The following EPS15 variants were observed in gnomAD, a reference collection of about 807,000 sequenced individuals.
EPS15 encodes epidermal growth factor receptor pathway substrate 15.
In EPS15, 72 loss-of-function variants were observed where a neutral mutation model predicts 113.8. That is an observed-to-expected ratio of 0.63 (90% CI 0.52 to 0.77). EPS15 has a LOEUF of 0.77. Ranked by LOEUF, EPS15 falls within the 30% of genes least tolerant of loss-of-function variation. The probability of loss-of-function intolerance (pLI) is 0.00; values close to 1 mark genes in which losing one functional copy is unlikely to be tolerated. For synonymous variants in EPS15, 344 were observed against 363.4 expected, an observed-to-expected ratio of 0.95 and a Z score of 0.61; for missense variants, 1,048 against 1,045.8, an observed-to-expected ratio of 1.00 and a Z score of -0.03.
Position 51,471,734 on chromosome 1 carries a change from A to C in EPS15, c.169T>G (p.Trp57Gly). The C allele has an allele frequency of 1.2e-6, 2 of 1,607,424 alleles. No individual in the cohort carries two copies. The highest frequency in any genetic ancestry group is 1.1e-5 in the South Asian group (1 of 90,506). Residue 57 changes from tryptophan (W) to glycine (G), a missense_variant, in exon 4 of 25, where the codon TGG (tryptophan) becomes GGG (glycine). Physicochemically the swap from Trp to Gly is radical, Grantham distance 184. Transcript: ENST00000371733. ...TTGCCATCTGTGTCGGCTAAATCCC[A>C]AATCTGAAATTTAGGGGGAAAAAAT... ...GLPDLILGKIWDLADTDGKGI... is the reference protein window; with the variant it reads ...GLPDLILGKIGDLADTDGKGI...
At chr1:51,468,849 C>T (rs1363637842) in intron 4 of EPS15, among the ~76,000 whole-genome samples, 1 of 152,014 alleles carries the variant, frequency 6.6e-6, no homozygotes, top group Non-Finnish European at 1.5e-5. Flanking sequence ...TACTTAGGGC[C>T]AGGCACAGTG....
chr1:51,492,007 C>T (rs1466623220), intron 1 of EPS15, among the ~76,000 whole-genome samples: 1 of 151,756 alleles, frequency 6.6e-6, no homozygotes, highest in African/African-American at 2.4e-5. Context: ...TGGGACCACA[C>T]CCAGCTAATT....
At chr1:51,445,115 C>T (rs1342428813) in intron 10 of EPS15, 70 bp from the exon 11 acceptor site, 2 of 1,387,272 alleles carry the variant, frequency 1.4e-6, no homozygotes, top group African/African-American at 2.9e-5. Context: ...AAAAGTACCA[C>T]TATGCAGCTT....
chr1:51,384,354 G>A (rs1045866152), intron 21 of EPS15, among the ~76,000 whole-genome samples: 1 of 131,354 alleles, frequency 7.6e-6, no homozygotes. Context: ...AGGCTACAGT[G>A]CAGTGGCATG....
chr1:51,358,250 C>G (rs1646287234), intron 24 of EPS15, among the ~76,000 whole-genome samples: 1 of 151,996 alleles, frequency 6.6e-6, no homozygotes, highest in African/African-American at 2.4e-5. Context: ...GTGATCATAC[C>G]ACCGCTCTCC....
intron 8 of EPS15, among the ~76,000 whole-genome samples, chr1:51,448,576 A>C (rs184664379): frequency 1.2e-4 from 18 of 152,370 alleles, no homozygotes; most frequent in Non-Finnish European, 2.5e-4. Context: ...ACATAAAAAA[A>C]ATGCCCAATC....
chr1:51,369,539 T>C (rs1418164151), intron 21 of EPS15, among the ~76,000 whole-genome samples: 1 of 152,220 alleles, frequency 6.6e-6, no homozygotes. Flanking sequence ...TGGAAAAATA[T>C]ATAAAAGTAT....
At chr1:51,478,402 T>C (rs1238724888) in intron 2 of EPS15, among the ~76,000 whole-genome samples, 1 of 152,226 alleles carries the variant, frequency 6.6e-6, no homozygotes, top group East Asian at 1.9e-4. Flanking sequence ...GTCTTGCCTC[T>C]TTATCCAGTT....
intron 2 of EPS15, among the ~76,000 whole-genome samples, chr1:51,475,032 T>A (rs533924684): frequency 6.6e-6 from 1 of 152,316 alleles, no homozygotes; most frequent in South Asian, 2.1e-4. Flanking sequence ...TATGGCTGCA[T>A]AGTATTCCAT....
intron 21 of EPS15, among the ~76,000 whole-genome samples, chr1:51,373,573 C>T (rs530143152): frequency 2.0e-5 from 3 of 152,294 alleles, no homozygotes; most frequent in South Asian, 2.1e-4. Context: ...ATGGAATGCA[C>T]GAATTTCATG....
chr1:51,474,876 C>A (rs1373144549), intron 2 of EPS15, among the ~76,000 whole-genome samples: 1 of 149,290 alleles, frequency 6.7e-6, no homozygotes, highest in Non-Finnish European at 1.5e-5. Flanking sequence ...GTTCCCCACC[C>A]TGTGTCCAAG....
chr1:51,455,783 C>A (rs1255541104), intron 8 of EPS15, among the ~76,000 whole-genome samples: 1 of 151,840 alleles, frequency 6.6e-6, no homozygotes, highest in African/African-American at 2.4e-5. Context: ...TTTTAAAAAT[C>A]CAGATTTGAG....
At chr1:51,472,613 C>T (rs1038460698) in intron 3 of EPS15, among the ~76,000 whole-genome samples, 3 of 152,170 alleles carry the variant, frequency 2.0e-5, no homozygotes, top group Non-Finnish European at 4.4e-5. Flanking sequence ...ACCAAATGTA[C>T]TTATTACTTC....
intron 11 of EPS15, 118 bp from the exon 12 acceptor site, chr1:51,440,550 T>C: frequency 5.0e-6 from 2 of 398,582 alleles, no homozygotes; most frequent in East Asian, 3.7e-5. Flanking sequence ...ACTGTATTAC[T>C]GAGATTTTTA....
chr1:51,432,721 A>T (rs1266114692), intron 12 of EPS15, among the ~76,000 whole-genome samples: 1 of 152,176 alleles, frequency 6.6e-6, no homozygotes, highest in African/African-American at 2.4e-5. Context: ...ACAGGTTCAG[A>T]CTTTAGCAAG....
At chr1:51,361,648 C>A (rs779645159) in intron 23 of EPS15, among the ~76,000 whole-genome samples, 18 of 152,152 alleles carry the variant, frequency 1.2e-4, no homozygotes, top group Non-Finnish European at 2.6e-4. Context: ...CCCCTAGCCA[C>A]ACCCAAGCAG....
intron 1 of EPS15, among the ~76,000 whole-genome samples, chr1:51,497,220 A>G (rs1644339396): frequency 6.6e-6 from 1 of 152,268 alleles, no homozygotes; most frequent in Admixed American, 6.5e-5. Context: ...AAGTACATAC[A>G]TACAGAGCAA....
intron 2 of EPS15, among the ~76,000 whole-genome samples, chr1:51,474,250 A>G (rs149593543): frequency 2.0e-5 from 3 of 152,366 alleles, no homozygotes; most frequent in Non-Finnish European, 2.9e-5. Flanking sequence ...AGAAGCTGAT[A>G]TATCTTCAAC....
chr1:51,358,449 T>C (rs1221463544), intron 24 of EPS15, among the ~76,000 whole-genome samples: 1 of 152,212 alleles, frequency 6.6e-6, no homozygotes, highest in Non-Finnish European at 1.5e-5. Flanking sequence ...AAAATTCTAA[T>C]TGGTTTCAAG....
Sources: allele counts gnomAD v4.1 joint callset (sites outside exome capture counted in the v4.1 genomes callset), GRCh38; gene constraint gnomAD v4.1.1; transcripts MANE v1.5; gene names NCBI Gene and HGNC (gene_info 2026-07-23, HGNC 2026-07-21).